Variants in DNTTIP2 observed in about 807,000 individuals in gnomAD.
DNTTIP2 encodes deoxynucleotidyltransferase terminal-interacting protein 2.
Under a neutral mutation model 62.4 loss-of-function variants are expected in DNTTIP2, and 47 were observed. The ratio of observed to expected loss-of-function variants is 0.75; its 90% confidence interval spans 0.60 to 0.96. DNTTIP2 has a LOEUF of 0.96. Among genes scored for constraint, DNTTIP2 ranks in the 40% least tolerant of loss-of-function variants. The pLI is 0.00. For synonymous variants in DNTTIP2, 322 were observed against 300.9 expected (o/e 1.07, Z -0.73); for missense variants, 870 against 849.1 (o/e 1.02, Z -0.31).
At chr1:93,873,622 CAA>C (rs34279982) in intron 3 of DNTTIP2, among the ~76,000 whole-genome samples, 12 of 134,304 alleles carry the variant, frequency 8.9e-5, no homozygotes, top group South Asian at 4.6e-4. Context: ...AGCTCCCTCC[CAA>C]AAAAAAAAAG....
intron 6 of DNTTIP2, 99 bp downstream of exon 6, chr1:93,870,581 GTTA>G: frequency 1.8e-6 from 1 of 553,150 alleles, no homozygotes; most frequent in Non-Finnish European, 3.0e-6. Flanking sequence ...TATGTTATGG[GTTA>G]TTATAAATGA....
At chr1:93,875,493 G>A (rs1010572302) in intron 3 of DNTTIP2, among the ~76,000 whole-genome samples, 152 bp downstream of exon 3, 2 of 152,164 alleles carry the variant, frequency 1.3e-5, no homozygotes, top group African/African-American at 4.8e-5. Context: ...GGATTTTATT[G>A]TAAAAAGAAA....
Position 93,877,734 on chromosome 1 carries a change from C to T in DNTTIP2, c.201G>A (p.Arg67=). The stretch of plus-strand genomic sequence containing the variant: ...GTAGTGAGCCTGTAGTTCTGCTCTT[C>T]CTCTTTCTAGCTTTAGGAGTTCTAG... ...LIPRTPKARK[R]KSRTTGSLPK... Residue 67 remains arginine (R), a synonymous_variant, in exon 2 of 7, where the codon AGG becomes AGA. Coordinates refer to ENST00000436063, the MANE Select transcript of DNTTIP2 (RefSeq NM_014597.5). 1.2e-6 allele frequency: 2 copies of T among 1,613,832 alleles called. No homozygotes were observed. The highest frequency in any genetic ancestry group is 1.7e-6 in the Non-Finnish European group (2 of 1,179,894).
chr1:93,877,614 A>G lies in DNTTIP2; in HGVS notation c.321T>C (p.Thr107=), dbSNP rs781286335. The change falls in exon 2 of 7, where the codon ACT becomes ACC. Residue 107 remains threonine (T), a synonymous_variant. Coordinates refer to ENST00000436063, the MANE Select transcript of DNTTIP2 (RefSeq NM_014597.5). The stretch of plus-strand genomic sequence containing the variant: ...ATGCAATTAAGATCTGCCTTCTCCT[A>G]GTTACCCTTAAAATGGTATCATGGT... The part of the protein sequence containing the change: ...SEHHDTILRV[T]RRRQILIACS... The G allele has an allele frequency of 2.5e-6, 4 of 1,613,892 alleles. No individual in the cohort carries two copies. Among genetic ancestry groups the G allele is most frequent in the Non-Finnish European group, 3.4e-6 (4 of 1,179,910 alleles).
chr1:93,870,632 C>T (rs1476891998), intron 6 of DNTTIP2, 51 bp downstream of exon 6: 7 of 1,016,218 alleles, frequency 6.9e-6, no homozygotes, highest in African/African-American at 3.3e-5. Context: ...TAAGTTTATA[C>T]ATTTTTAAAG....
chr1:93,873,078 C>T, intron 4 of DNTTIP2, 41 bp downstream of exon 4: 1 of 1,402,080 alleles, frequency 7.1e-7, no homozygotes, highest in Non-Finnish European at 1.0e-6. Flanking sequence ...AAATATATAG[C>T]CAAACATATC....
intron 4 of DNTTIP2, among the ~76,000 whole-genome samples, chr1:93,872,692 T>C (rs1050335321): frequency 6.6e-6 from 1 of 152,162 alleles, no homozygotes; most frequent in Non-Finnish European, 1.5e-5. Context: ...TAAAACAAAA[T>C]ACTATTCTTT....
intron 6 of DNTTIP2, 69 bp downstream of exon 6, chr1:93,870,614 A>T (rs1655833631): frequency 1.3e-6 from 1 of 795,870 alleles, no homozygotes; most frequent in Non-Finnish European, 1.9e-6. Context: ...AAATTATTTG[A>T]AAATTTATAA....
At position 93,879,089 on chromosome 1, in the gene DNTTIP2, A is replaced by T; in HGVS notation, c.60T>A (p.Ser20Arg). 1 of 1,613,760 alleles carries T rather than the reference A, an allele frequency of 6.2e-7. No homozygotes were observed. Among genetic ancestry groups the T allele is most frequent in the Non-Finnish European group, 8.5e-7 (1 of 1,179,872 alleles). ...KASIQAASAE[S>R]SGQKSFAANG... ...CTGGATTTCCTACCTTTTGCCCGGA[A>T]CTTTCAGCCGACGCGGCTTGGATGC... is the stretch of plus-strand genomic sequence containing the variant. The change falls in exon 1 of 7, where the codon AGT becomes AGA. Residue 20 changes from serine (S) to arginine (R), a missense_variant. Physicochemically the swap from Ser to Arg is moderately radical, Grantham distance 110. Coordinates refer to ENST00000436063, the MANE Select transcript of DNTTIP2 (RefSeq NM_014597.5).
chr1:93,877,269 T>C lies in DNTTIP2; in HGVS notation c.666A>G (p.Val222=), dbSNP rs375670782. Residue 222 remains valine (V), a synonymous_variant, in exon 2 of 7, where the codon GTA becomes GTG. Transcript: ENST00000436063. ...CCACGATCTGTTTCTCATTTCCTGG[T>C]ACAATCTTACTATCTTTCTTTTCAG... is the stretch of plus-strand genomic sequence containing the variant. ...AQTEKKDSKI[V]PGNEKQIVGT... 6 of 1,613,778 alleles carry C rather than the reference T, an allele frequency of 3.7e-6. No individual in the cohort carries two copies. In the African/African-American group the frequency reaches 6.7e-5, roughly 18 times the overall value.
At position 93,876,283 on chromosome 1, in the gene DNTTIP2, C is replaced by G. The variant is rs553901957; in HGVS notation, c.1652G>C (p.Ser551Thr). 1.3e-6 allele frequency: 2 copies of G among 1,534,702 alleles called. No homozygotes were observed. The highest frequency in any genetic ancestry group is 2.8e-5 in the African/African-American group (2 of 71,750). ...AAAAACTTACAGTTTAGCCTTTGTG[C>G]TATTTAGGAAGTCTTCTTCATCACT... is the stretch of plus-strand genomic sequence containing the variant. ...EFSDEEDFLN[S>T]TKAKLLKLTS... The change falls in exon 2 of 7, where the codon AGC (serine) becomes ACC (threonine). Residue 551 changes from serine (S) to threonine (T), a missense_variant. Ser to Thr is a moderately conservative substitution (Grantham distance 58). Coordinates refer to ENST00000436063, the MANE Select transcript of DNTTIP2 (RefSeq NM_014597.5).
At chr1:93,873,409 T>C (rs1426410859) in intron 3 of DNTTIP2, 195 bp from the exon 4 acceptor site, 7 of 395,072 alleles carry the variant, frequency 1.8e-5, no homozygotes, top group Admixed American at 4.6e-5. Context: ...TTGGTCAACA[T>C]AGCAAGACCC....
rs532266491 is a variant in DNTTIP2, at chr1:93,875,419, G to A, written c.1806+226C>T. On this transcript the variant is annotated intron_variant, in intron 3 of 6. Transcript: ENST00000436063. Reference sequence around the variant, plus strand: ...AAAACCCCTGGGATCATAATTGGTGGGTGTAAGATGAGGAACACTGACCCT... The same window carrying A: ...AAAACCCCTGGGATCATAATTGGTGAGTGTAAGATGAGGAACACTGACCCT... Among the ~76,000 whole-genome samples the A allele has an allele frequency of 4.6e-5, 7 of 152,194 alleles. 1 individual carries two copies. In the South Asian group the frequency reaches 1.5e-3, roughly 32 times the overall value.
At position 93,872,054 on chromosome 1, in the gene DNTTIP2, A is replaced by C. The variant is rs535246915; in HGVS notation, c.2067+18T>G. On this transcript the variant is annotated intron_variant, in intron 5 of 6. Transcript: ENST00000436063. ...CTAAAATTCACAGATCATCACCACT[A>C]TTCTGTTTGCTTCATACCTGGAAGT... 72 of 1,613,072 alleles carry C rather than the reference A, an allele frequency of 4.5e-5. No individual in the cohort carries two copies. Among genetic ancestry groups the C allele is most frequent in the Non-Finnish European group, 5.8e-5 (68 of 1,179,476 alleles).
Position 93,873,111 on chromosome 1 carries a change from GTACT to G in DNTTIP2, c.1902+4_1902+7del, listed in dbSNP as rs773671848. 1 of 1,585,848 alleles carries G rather than the reference GTACT, an allele frequency of 6.3e-7. No homozygotes were observed. The highest frequency in any genetic ancestry group is 1.7e-5 in the Admixed American group (1 of 59,074). ...ATCTAAGCATTTTAATTAAGTCACT[GTACT>G]TACTCTGCGTTTTTTCTGAAGTTGA... On this transcript the variant is annotated splice_donor_5th_base_variant and intron_variant, in intron 4 of 6. Coordinates refer to ENST00000436063, the MANE Select transcript of DNTTIP2 (RefSeq NM_014597.5).
chr1:93,873,044 G>A, intron 4 of DNTTIP2, 75 bp downstream of exon 4: 1 of 990,944 alleles, frequency 1.0e-6, no homozygotes, highest in Non-Finnish European at 1.5e-6. Context: ...CAGTTTAATT[G>A]TGCAGTTATG....
chr1:93,873,695 G>A lies in DNTTIP2; in HGVS notation c.1807-481C>T, dbSNP rs537504997. ...GCCTATAATCCCAACTCTTTAGGAGGCCAAGGCAGGACAATCACTTGAGGC... is the reference window on the plus strand; with the variant it reads ...GCCTATAATCCCAACTCTTTAGGAGACCAAGGCAGGACAATCACTTGAGGC... On this transcript the variant is annotated intron_variant, in intron 3 of 6. Coordinates refer to ENST00000436063, the MANE Select transcript of DNTTIP2 (RefSeq NM_014597.5). Among the ~76,000 whole-genome samples, 30 of 152,112 alleles carry A rather than the reference G, an allele frequency of 2.0e-4. No individual in the cohort carries two copies. The South Asian group carries it at 6.0e-3, about 30-fold the overall frequency.
At chr1:93,870,301 A>G (rs904493653) in intron 6 of DNTTIP2, among the ~76,000 whole-genome samples, 9 of 152,186 alleles carry the variant, frequency 5.9e-5, no homozygotes, top group Non-Finnish European at 1.0e-4. Context: ...TATGATATAT[A>G]TATTTCTTAG....
chr1:93,872,731 GT>G (rs1655899332), intron 4 of DNTTIP2, among the ~76,000 whole-genome samples: 1 of 152,094 alleles, frequency 6.6e-6, no homozygotes, highest in Non-Finnish European at 1.5e-5. Context: ...ATTTAATTTT[GT>G]TTCATTCATA....
Sources: allele counts gnomAD v4.1 joint callset (sites outside exome capture counted in the v4.1 genomes callset), GRCh38; gene constraint gnomAD v4.1.1; transcripts MANE v1.5; gene names NCBI Gene and HGNC (gene_info 2026-07-23, HGNC 2026-07-21).